HS6ST3: variants seen among roughly 807,000 people sequenced by gnomAD.
HS6ST3 encodes heparan sulfate 6-O-sulfotransferase 3, also known as heparan-sulfate 6-O-sulfotransferase 3.
Under a neutral mutation model 36.7 loss-of-function variants are expected in HS6ST3, and 12 were observed. That is an observed-to-expected ratio of 0.33 (90% confidence interval 0.21 to 0.53). The LOEUF (loss-of-function observed/expected upper bound fraction) is 0.53. HS6ST3 is among the 20% of genes least tolerant of loss of function. The pLI is 0.95. For missense variants in HS6ST3, 584 were observed against 640.9 expected, an observed-to-expected ratio of 0.91 and a Z score of 0.96; for synonymous variants, 240 against 257.5, an observed-to-expected ratio of 0.93 and a Z score of 0.65.
chr13:96,567,032 G>T (rs2056283836), intron 1 of HS6ST3, among the ~76,000 whole-genome samples: 1 of 152,040 alleles, frequency 6.6e-6, no homozygotes, highest in Non-Finnish European at 1.5e-5. Context: ...CTGAAAAAAT[G>T]TACATATAGT....
At position 96,096,028 on chromosome 13, in the gene HS6ST3, CT is replaced by C. The variant is rs986789478; in HGVS notation, c.707+4469del. ...GAGAAATAAATGAACCTTCAGATCT[CT>C]TTTTTTTTTGTATACCACTTAGGAA... On this transcript the variant is annotated intron_variant, in intron 1 of 1. Transcript: ENST00000376705. Among the ~76,000 whole-genome samples, 69 of 147,804 alleles carry C rather than the reference CT, an allele frequency of 4.7e-4. 1 individual carries two copies. The highest frequency in any genetic ancestry group is 1.4e-3 in the African/African-American group (55 of 40,350).
chr13:96,547,600 A>G (rs2056202442), intron 1 of HS6ST3, among the ~76,000 whole-genome samples: 1 of 152,214 alleles, frequency 6.6e-6, no homozygotes, highest in Non-Finnish European at 1.5e-5. Flanking sequence ...AGAGAGAGAA[A>G]GAGAAAGAGA....
intron 1 of HS6ST3, among the ~76,000 whole-genome samples, chr13:96,643,524 C>T (rs1273803871): frequency 6.6e-6 from 1 of 151,888 alleles, no homozygotes; most frequent in Non-Finnish European, 1.5e-5. Context: ...TCCACTGCTT[C>T]AGGTAGTAGT....
At chr13:96,271,673 C>T (rs1414579926) in intron 1 of HS6ST3, among the ~76,000 whole-genome samples, 1 of 151,954 alleles carries the variant, frequency 6.6e-6, no homozygotes, top group East Asian at 1.9e-4. Context: ...GAGAAGGTGA[C>T]ATGTAGGAAT....
intron 1 of HS6ST3, among the ~76,000 whole-genome samples, chr13:96,297,790 C>T (rs1478546726): frequency 2.0e-5 from 3 of 152,068 alleles, no homozygotes; most frequent in Non-Finnish European, 4.4e-5. Context: ...ATTTTATTAT[C>T]ACTTCTACTG....
At chr13:96,655,190 T>C (rs964522970) in intron 1 of HS6ST3, among the ~76,000 whole-genome samples, 3 of 152,134 alleles carry the variant, frequency 2.0e-5, no homozygotes, top group Non-Finnish European at 4.4e-5. Context: ...TTTTATGCTT[T>C]TCAGCTCAAC....
intron 1 of HS6ST3, among the ~76,000 whole-genome samples, chr13:96,199,734 AAGAT>A (rs1463330171): frequency 2.0e-5 from 3 of 152,196 alleles, no homozygotes; most frequent in African/African-American, 7.2e-5. Context: ...TGAATTGTAC[AAGAT>A]AGGCCTACCA....
chr13:96,347,986 C>T (rs923938769), intron 1 of HS6ST3, among the ~76,000 whole-genome samples: 19 of 152,100 alleles, frequency 1.2e-4, no homozygotes, highest in African/African-American at 4.3e-4. Flanking sequence ...TCTCTAGCAC[C>T]TAGCACACTC....
intron 1 of HS6ST3, among the ~76,000 whole-genome samples, chr13:96,135,525 C>T (rs561413368): frequency 1.3e-5 from 2 of 152,048 alleles, no homozygotes; most frequent in South Asian, 2.1e-4. Context: ...ATCCCTAGGG[C>T]TGTCATGGAA....
intron 1 of HS6ST3, among the ~76,000 whole-genome samples, chr13:96,829,643 A>C (rs1282396396): frequency 6.6e-6 from 1 of 152,158 alleles, no homozygotes; most frequent in Non-Finnish European, 1.5e-5. Flanking sequence ...ATCCATGTCC[A>C]AGCAAAGGAC....
At chr13:96,783,415 C>A (rs550309594) in intron 1 of HS6ST3, among the ~76,000 whole-genome samples, 1 of 152,118 alleles carries the variant, frequency 6.6e-6, no homozygotes, top group African/African-American at 2.4e-5. Context: ...CCGCAGAAAT[C>A]TCTGCTACTT....
intron 1 of HS6ST3, among the ~76,000 whole-genome samples, chr13:96,164,142 T>A (rs1282471764): frequency 6.6e-6 from 1 of 152,122 alleles, no homozygotes; most frequent in Non-Finnish European, 1.5e-5. Flanking sequence ...ATTTTGCAAA[T>A]CCAGAAAGTG....
At chr13:96,504,681 G>T (rs1299021312) in intron 1 of HS6ST3, among the ~76,000 whole-genome samples, 1 of 152,092 alleles carries the variant, frequency 6.6e-6, no homozygotes, top group Non-Finnish European at 1.5e-5. Context: ...CTGATGCTTT[G>T]ACTTAGTCCC....
At chr13:96,763,319 T>G (rs1287830483) in intron 1 of HS6ST3, among the ~76,000 whole-genome samples, 2 of 149,630 alleles carry the variant, frequency 1.3e-5, no homozygotes, top group Non-Finnish European at 3.0e-5. Flanking sequence ...TATAATAGGT[T>G]TAATATGAAT....
chr13:96,480,905 A>T (rs2055887356), intron 1 of HS6ST3, among the ~76,000 whole-genome samples: 1 of 152,324 alleles, frequency 6.6e-6, no homozygotes, highest in East Asian at 1.9e-4. Flanking sequence ...GTTTACAGCT[A>T]TTTGAAAATA....
At chr13:96,176,580 C>G (rs2054213583) in intron 1 of HS6ST3, among the ~76,000 whole-genome samples, 1 of 152,022 alleles carries the variant, frequency 6.6e-6, no homozygotes, top group African/African-American at 2.4e-5. Flanking sequence ...GTCATGCTTC[C>G]AACAAACCTG....
chr13:96,644,426 A>G (rs1163598285), intron 1 of HS6ST3, among the ~76,000 whole-genome samples: 1 of 152,064 alleles, frequency 6.6e-6, no homozygotes, highest in African/African-American at 2.4e-5. Flanking sequence ...AACTGAAATT[A>G]TGATTTAAGG....
intron 1 of HS6ST3, among the ~76,000 whole-genome samples, chr13:96,232,045 A>G (rs2054510954): frequency 6.6e-6 from 1 of 152,172 alleles, no homozygotes; most frequent in Non-Finnish European, 1.5e-5. Flanking sequence ...GTGTGGTAGG[A>G]AAGTTGAAGA....
At chr13:96,802,617 T>A (rs1313500480) in intron 1 of HS6ST3, among the ~76,000 whole-genome samples, 1 of 152,216 alleles carries the variant, frequency 6.6e-6, no homozygotes, top group Non-Finnish European at 1.5e-5. Flanking sequence ...ACTGAGATGC[T>A]CAGGGATTAA....
Sources: gnomAD v4.1 joint callset for allele counts (sites outside exome capture counted in the v4.1 genomes callset) on GRCh38, gnomAD v4.1.1 for gene constraint, MANE v1.5 for transcripts, NCBI Gene and HGNC (gene_info 2026-07-23, HGNC 2026-07-21) for gene names.